The following PTPRD variants were observed in gnomAD, a reference collection of about 807,000 sequenced individuals.
The protein encoded by PTPRD is protein tyrosine phosphatase receptor type D.
Under a neutral mutation model 214.5 loss-of-function variants are expected in PTPRD, and 34 were observed. The ratio of observed to expected loss-of-function variants is 0.16; its 90% CI spans 0.12 to 0.21. PTPRD has a LOEUF of 0.21. PTPRD is among the 10% of genes least tolerant of loss of function. The pLI is 1.00. For missense variants in PTPRD, 2,545 were observed against 2,398.7 expected (o/e 1.06, Z -1.27); for synonymous variants, 1,128 against 845.7 (o/e 1.33, Z -5.79).
intron 7 of PTPRD, among the ~76,000 whole-genome samples, chr9:9,606,965 T>TA (rs754610072): frequency 0.014 from 383 of 27,478 alleles, 99 homozygotes; most frequent in East Asian, 0.034. Context: ...TCAGCACTGC[T>TA]AAAAAAAAAA....
At chr9:10,538,672 A>C (rs998123135) in intron 2 of PTPRD, among the ~76,000 whole-genome samples, 2 of 151,146 alleles carry the variant, frequency 1.3e-5, no homozygotes, top group Non-Finnish European at 2.9e-5. Context: ...GGATGTACTG[A>C]ATAAATTCTT....
chr9:8,697,841 C>T (rs997902306), intron 12 of PTPRD, among the ~76,000 whole-genome samples: 1 of 152,022 alleles, frequency 6.6e-6, no homozygotes, highest in Non-Finnish European at 1.5e-5. Context: ...GAATAAACAA[C>T]TGAAGTTATC....
intron 6 of PTPRD, among the ~76,000 whole-genome samples, chr9:9,752,909 G>T (rs2098535244): frequency 6.6e-6 from 1 of 151,972 alleles, no homozygotes; most frequent in South Asian, 2.1e-4. Context: ...TACTTTGCTT[G>T]GCAAGTTCAC....
chr9:8,504,428 G>A (rs1191906557), intron 22 of PTPRD, 23 bp from the exon 23 acceptor site: 2 of 1,613,754 alleles, frequency 1.2e-6, no homozygotes, highest in Non-Finnish European at 8.5e-7. Context: ...AGAGAATGTG[G>A]TCATCTTCAT....
chr9:8,329,457 A>C (rs763819397), intron 44 of PTPRD, among the ~76,000 whole-genome samples: 4 of 151,974 alleles, frequency 2.6e-5, no homozygotes, highest in African/African-American at 9.7e-5. Context: ...GTCAGCCCCT[A>C]CTGTGAGGTG....
In PTPRD at chr9:9,069,304, A is replaced by C. The variant is rs943435210; in HGVS notation, c.-142-50569T>G. On this transcript the variant is annotated intron_variant, in intron 10 of 45. Coordinates refer to ENST00000381196, the MANE Select transcript of PTPRD (RefSeq NM_002839.4). The stretch of plus-strand genomic sequence containing the variant: ...TGCTTATTAAAAGAGCAGTAAATAC[A>C]AAAAAAGTATAAAGAAGAAAATAAA... Among the ~76,000 whole-genome samples, 76 of 152,106 alleles carry C rather than the reference A, an allele frequency of 5.0e-4. 1 individual carries two copies. The highest frequency in any genetic ancestry group is 5.9e-5 in the Non-Finnish European group (4 of 67,968).
At chr9:9,001,890 A>G (rs557934312) in intron 11 of PTPRD, among the ~76,000 whole-genome samples, 1 of 148,620 alleles carries the variant, frequency 6.7e-6, no homozygotes, top group African/African-American at 2.5e-5. Context: ...TTCTTTCAGA[A>G]TTGTTCTCAT....
chr9:10,607,218 T>G (rs1207141294), intron 2 of PTPRD, among the ~76,000 whole-genome samples: 1 of 151,876 alleles, frequency 6.6e-6, no homozygotes, highest in Non-Finnish European at 1.5e-5. Context: ...TTAAAATATT[T>G]ACTTATTATA....
chr9:9,400,850 T>A (rs914784918), intron 8 of PTPRD, among the ~76,000 whole-genome samples: 2 of 152,060 alleles, frequency 1.3e-5, no homozygotes, highest in South Asian at 4.1e-4. Context: ...ACCTTTCAGA[T>A]GCAAATTTAT....
chr9:10,034,034 T>A lies in PTPRD; in HGVS notation c.-544-244A>T, dbSNP rs1589367175. 2.6e-5 allele frequency among the ~76,000 whole-genome samples: 4 copies of A among 152,220 alleles called. No individual in the cohort carries two copies. The South Asian group carries it at 8.3e-4, about 32-fold the overall frequency. On this transcript the variant is annotated intron_variant, in intron 3 of 45. Coordinates refer to ENST00000381196, the MANE Select transcript of PTPRD (RefSeq NM_002839.4). Reference sequence around the variant, plus strand: ...ACAGAATCTTTTAGAAGAATCAATATCATTAAAATGGCTATACTGCCCAAA... The same window carrying A: ...ACAGAATCTTTTAGAAGAATCAATAACATTAAAATGGCTATACTGCCCAAA...
rs149899977 is a variant in PTPRD at position 9,754,874 on chromosome 9, A to G, written c.-326+11936T>C. 2.2e-3 allele frequency among the ~76,000 whole-genome samples: 341 copies of G among 152,196 alleles called. 1 individual carries two copies. The highest frequency in any genetic ancestry group is 7.8e-3 in the African/African-American group (323 of 41,584). On this transcript the variant is annotated intron_variant, in intron 6 of 45. Coordinates refer to ENST00000381196, the MANE Select transcript of PTPRD (RefSeq NM_002839.4). ...TCTTCAATAAAAGGTGCTAAGGAGA[A>G]TTACCAATGCTTTTAGAAGAAAATG...
intron 8 of PTPRD, among the ~76,000 whole-genome samples, chr9:9,398,376 C>A (rs2068738006): frequency 6.6e-6 from 1 of 151,944 alleles, no homozygotes; most frequent in Non-Finnish European, 1.5e-5. Context: ...GTTCCCTACC[C>A]AGAAGACTTC....
At chr9:9,564,609 C>A (rs79085029) in intron 8 of PTPRD, among the ~76,000 whole-genome samples, 1,842 of 152,002 alleles carry the variant, frequency 0.012, 40 homozygotes, top group African/African-American at 0.041. Context: ...AATTTTCAAA[C>A]TTACTGAACC....
At chr9:8,781,915 A>G (rs971795109) in intron 11 of PTPRD, among the ~76,000 whole-genome samples, 6 of 152,170 alleles carry the variant, frequency 3.9e-5, no homozygotes, top group African/African-American at 7.2e-5. Flanking sequence ...TCCATCCATA[A>G]GACATTCTAG....
At chr9:9,279,534 T>C (rs1946901188) in intron 9 of PTPRD, among the ~76,000 whole-genome samples, 1 of 150,470 alleles carries the variant, frequency 6.6e-6, no homozygotes, top group South Asian at 2.1e-4. Flanking sequence ...CATTCACATA[T>C]TCTTTTTTAA....
In PTPRD at chr9:10,004,789, T is replaced by G. The variant is rs574846688; in HGVS notation, c.-472+28929A>C. 5.3e-5 allele frequency among the ~76,000 whole-genome samples: 8 copies of G among 152,228 alleles called. No individual in the cohort carries two copies. In the South Asian group the frequency reaches 1.7e-3, roughly 32 times the overall value. ...AGTAAGCAAACTAAGTTTACAGTAGTGTATTCAATAAATAATGCAACTCAA... is the reference window on the plus strand; with the variant it reads ...AGTAAGCAAACTAAGTTTACAGTAGGGTATTCAATAAATAATGCAACTCAA... On this transcript the variant is annotated intron_variant, in intron 4 of 45. Coordinates refer to ENST00000381196, the MANE Select transcript of PTPRD (RefSeq NM_002839.4).
intron 10 of PTPRD, among the ~76,000 whole-genome samples, chr9:9,038,950 T>G (rs988287): frequency 0.05 from 7,564 of 152,224 alleles, 257 homozygotes; most frequent in Middle Eastern, 0.082. Context: ...TGTAAAAGCT[T>G]TTGCTGTATT....
intron 11 of PTPRD, among the ~76,000 whole-genome samples, chr9:8,802,607 T>A (rs527537316): frequency 2.6e-5 from 4 of 152,346 alleles, no homozygotes; most frequent in African/African-American, 9.6e-5. Context: ...TATTTCCAAT[T>A]ACAAATTCTA....
intron 4 of PTPRD, among the ~76,000 whole-genome samples, chr9:9,953,734 A>G (rs74943187): frequency 3.9e-3 from 592 of 152,222 alleles, no homozygotes; most frequent in Admixed American, 5.8e-3. Context: ...CCGGTTTTAA[A>G]CATATTTTAA....
Sources: gnomAD v4.1 joint callset for allele counts (sites outside exome capture counted in the v4.1 genomes callset) on GRCh38, gnomAD v4.1.1 for gene constraint, MANE v1.5 for transcripts, NCBI Gene and HGNC (gene_info 2026-07-23, HGNC 2026-07-21) for gene names.